The following ZNF385B variants were observed in gnomAD, a reference collection of about 807,000 sequenced individuals.
ZNF385B encodes zinc finger protein 385B.
A neutral mutation model predicts 39.2 loss-of-function variants in ZNF385B; 23 were observed. That is an observed-to-expected ratio of 0.59 (90% CI 0.42 to 0.83). ZNF385B has a LOEUF of 0.83. Among genes scored for constraint, ZNF385B ranks in the 40% least tolerant of loss-of-function variants. ZNF385B has a pLI of 0.00. For missense variants in ZNF385B, 552 were observed against 598.9 expected (o/e 0.92, Z 0.82); for synonymous variants, 205 against 222.6 (o/e 0.92, Z 0.70).
In ZNF385B at chr2:179,604,424, T is replaced by C. The variant is rs530635408; in HGVS notation, c.299-59455A>G. 3.0e-3 allele frequency among the ~76,000 whole-genome samples: 452 copies of C among 152,066 alleles called. 1 individual carries two copies. Among genetic ancestry groups the C allele is most frequent in the African/African-American group, 9.4e-3 (390 of 41,520 alleles). ...AACTGAAAAAAAAATACAAAAATAA[T>C]TCTGGCCCAATAAAAGAATGTCCTA... On this transcript the variant is annotated intron_variant, in intron 3 of 9. Coordinates refer to ENST00000410066, the MANE Select transcript of ZNF385B (RefSeq NM_152520.6).
At chr2:179,851,705 G>A (rs1684175269) in intron 1 of ZNF385B, among the ~76,000 whole-genome samples, 1 of 152,116 alleles carries the variant, frequency 6.6e-6, no homozygotes, top group Admixed American at 6.6e-5. Context: ...AATTTTTAAT[G>A]TCATTTTTGT....
intron 3 of ZNF385B, among the ~76,000 whole-genome samples, chr2:179,729,245 G>A (rs570852420): frequency 1.3e-5 from 2 of 151,192 alleles, no homozygotes; most frequent in South Asian, 4.2e-4. Flanking sequence ...AGGTAAAAAC[G>A]AAACACAGTT....
At chr2:179,583,711 G>A (rs916548835) in intron 3 of ZNF385B, among the ~76,000 whole-genome samples, 26 of 152,082 alleles carry the variant, frequency 1.7e-4, no homozygotes, top group African/African-American at 6.3e-4. Context: ...AAGTAATACA[G>A]GTAAATATCT....
At chr2:179,606,894 T>C (rs571527478) in intron 3 of ZNF385B, among the ~76,000 whole-genome samples, 1 of 152,140 alleles carries the variant, frequency 6.6e-6, no homozygotes, top group Non-Finnish European at 1.5e-5. Flanking sequence ...GAATTTCTCA[T>C]AGTGGGAGTA....
chr2:179,704,518 A>G (rs1278661329), intron 3 of ZNF385B, among the ~76,000 whole-genome samples: 2 of 152,220 alleles, frequency 1.3e-5, no homozygotes, highest in African/African-American at 4.8e-5. Context: ...CTGGGAGATT[A>G]GGCTAAAGAA....
chr2:179,479,292 C>A (rs1178339518), intron 6 of ZNF385B, among the ~76,000 whole-genome samples: 1 of 151,992 alleles, frequency 6.6e-6, no homozygotes, highest in Non-Finnish European at 1.5e-5. Context: ...ATTTTGTTTA[C>A]TGACCTGAAA....
intron 3 of ZNF385B, among the ~76,000 whole-genome samples, chr2:179,697,270 G>A (rs1267302144): frequency 6.6e-6 from 1 of 152,136 alleles, no homozygotes; most frequent in Non-Finnish European, 1.5e-5. Flanking sequence ...GTATTCCCCA[G>A]GTGTTAAGGG....
chr2:179,722,594 CA>C (rs374237503), intron 3 of ZNF385B, among the ~76,000 whole-genome samples: 19 of 152,060 alleles, frequency 1.2e-4, no homozygotes, highest in African/African-American at 3.9e-4. Flanking sequence ...CTGGTAAATT[CA>C]AGATTTAAAG....
rs565534253 is a variant in ZNF385B, at chr2:179,542,737, T to C, written c.441+2090A>G. On this transcript the variant is annotated intron_variant, in intron 4 of 9. Coordinates refer to ENST00000410066, the MANE Select transcript of ZNF385B (RefSeq NM_152520.6). ...AAAAAAGTGACTAACAGATTAGTGC[T>C]AATCATATGATCGCAATTGTAAAAA... Among the ~76,000 whole-genome samples the C allele has an allele frequency of 4.6e-5, 7 of 152,292 alleles. No individual in the cohort carries two copies. The South Asian group carries it at 1.4e-3, about 32-fold the overall frequency.
intron 8 of ZNF385B, 90 bp from the exon 9 acceptor site, chr2:179,445,067 AC>A: frequency 9.3e-7 from 1 of 1,080,376 alleles, no homozygotes; most frequent in Non-Finnish European, 1.4e-6. Flanking sequence ...TCCATTGCCA[AC>A]TCTAGGTCCA....
intron 1 of ZNF385B, among the ~76,000 whole-genome samples, chr2:179,847,975 G>A (rs111356336): frequency 2.6e-5 from 4 of 152,292 alleles, no homozygotes; most frequent in African/African-American, 9.6e-5. Flanking sequence ...TGGACAGAGG[G>A]TCCATGGTGG....
chr2:179,771,508 C>T (rs1480385670), intron 1 of ZNF385B, among the ~76,000 whole-genome samples: 2 of 149,210 alleles, frequency 1.3e-5, no homozygotes, highest in Non-Finnish European at 1.5e-5. Context: ...CAATCTATTC[C>T]TTTTAGCTCC....
chr2:179,748,139 G>C (rs1702483102), intron 3 of ZNF385B, among the ~76,000 whole-genome samples: 1 of 152,004 alleles, frequency 6.6e-6, no homozygotes, highest in Non-Finnish European at 1.5e-5. Context: ...TACTTTAATG[G>C]ATGGGCAAAA....
chr2:179,530,703 C>T (rs371142581), intron 4 of ZNF385B, among the ~76,000 whole-genome samples: 13 of 152,252 alleles, frequency 8.5e-5, no homozygotes, highest in African/African-American at 2.9e-4. Flanking sequence ...TATTTCTGTT[C>T]GAATATATTT....
intron 3 of ZNF385B, among the ~76,000 whole-genome samples, chr2:179,675,031 C>A (rs1214250474): frequency 6.6e-6 from 1 of 152,196 alleles, no homozygotes; most frequent in Non-Finnish European, 1.5e-5. Flanking sequence ...CAGCAACCCC[C>A]ATGCAGTCAA....
At chr2:179,526,449 G>A (rs960485659) in intron 4 of ZNF385B, among the ~76,000 whole-genome samples, 3 of 151,560 alleles carry the variant, frequency 2.0e-5, no homozygotes, top group Non-Finnish European at 2.9e-5. Flanking sequence ...TACAGAATTA[G>A]CCAGGCATGG....
At chr2:179,594,031 T>TTG (rs68101136) in intron 3 of ZNF385B, among the ~76,000 whole-genome samples, 16,465 of 149,518 alleles carry the variant, frequency 0.11, 1,061 homozygotes, top group Middle Eastern at 0.21. Context: ...CTTTCAACTT[T>TTG]GTAAAAGAAA....
chr2:179,843,507 T>A (rs1170285021), intron 1 of ZNF385B, among the ~76,000 whole-genome samples: 1 of 152,248 alleles, frequency 6.6e-6, no homozygotes, highest in Admixed American at 6.5e-5. Context: ...GAGTTATATA[T>A]TATCCATATA....
chr2:179,724,412 G>T lies in ZNF385B; in HGVS notation c.298+45091C>A, dbSNP rs559382744. On this transcript the variant is annotated intron_variant, in intron 3 of 9. Transcript: ENST00000410066. ...AAGAACGAAATCTACAGTATTGAAAGAAACTGTCTAAATCTTCAATTAAAT... is the reference window on the plus strand; with the variant it reads ...AAGAACGAAATCTACAGTATTGAAATAAACTGTCTAAATCTTCAATTAAAT... Among the ~76,000 whole-genome samples, 15 of 152,262 alleles carry T rather than the reference G, an allele frequency of 9.9e-5. No individual in the cohort carries two copies. In the South Asian group the frequency reaches 2.9e-3, roughly 29 times the overall value.
Sources: gnomAD v4.1 joint callset for allele counts (sites outside exome capture counted in the v4.1 genomes callset) on GRCh38, gnomAD v4.1.1 for gene constraint, MANE v1.5 for transcripts, NCBI Gene and HGNC (gene_info 2026-07-23, HGNC 2026-07-21) for gene names.